The following HGF variants were observed in gnomAD, a reference collection of about 807,000 sequenced individuals.
The protein encoded by HGF is hepatocyte growth factor, also known as fibroblast-derived tumor cytotoxic factor.
Under a neutral mutation model 111.6 loss-of-function variants are expected in HGF, and 39 were observed. The ratio of observed to expected loss-of-function variants is 0.35; its 90% CI spans 0.27 to 0.46. HGF has a LOEUF of 0.46. Among genes scored for constraint, HGF ranks in the 20% least tolerant of loss-of-function variants. The probability of loss-of-function intolerance (pLI) is 1.00; values close to 1 mark genes in which losing one functional copy is unlikely to be tolerated. For synonymous variants in HGF, 285 were observed against 294.8 expected, an observed-to-expected ratio of 0.97 and a Z score of 0.34; for missense variants, 735 against 910.5, an observed-to-expected ratio of 0.81 and a Z score of 2.48.
chr7:81,701,157 T>C lies in HGF; in HGVS notation c.*1424A>G, dbSNP rs567925018. 5.9e-5 allele frequency: 9 copies of C among 151,638 alleles called. No individual in the cohort carries two copies. The highest frequency in any genetic ancestry group is 3.3e-4 in the Admixed American group (5 of 15,156). The allele number at this position is 151,638 out of a possible 1,614,324, so 9.4% of individuals were successfully genotyped here. On this transcript the variant is annotated 3_prime_UTR_variant, in exon 18 of 18. Coordinates refer to ENST00000222390, the MANE Select transcript of HGF (RefSeq NM_000601.6). ...GATAAATATGATAATTTGGCTGTTA[T>C]ACAGAACACAAAATTTAAATGTCTG...
At chr7:81,721,665 G>A (rs1160309820) in intron 9 of HGF, among the ~76,000 whole-genome samples, 1 of 152,164 alleles carries the variant, frequency 6.6e-6, no homozygotes, top group South Asian at 2.1e-4. Context: ...ATAAAACCAA[G>A]TTAAAGATAT....
chr7:81,708,591 G>A (rs1047593462), intron 13 of HGF, among the ~76,000 whole-genome samples: 6 of 119,204 alleles, frequency 5.0e-5, no homozygotes, highest in African/African-American at 1.6e-4. Context: ...TTACAGGCAT[G>A]TGCCACCATG....
chr7:81,711,495 A>G lies in HGF; in HGVS notation c.1430T>C (p.Ile477Thr). ...ATATTACTTACGGTCTAAATTGACTATTGTAGGTGTGGTATCACCTTCACC... is the reference window on the plus strand; with the variant it reads ...ATATTACTTACGGTCTAAATTGACTGTTGTAGGTGTGGTATCACCTTCACC... The part of the protein sequence containing the change: ...SRCEGDTTPT[I>T]VNLDHPVISC... Residue 477 changes from isoleucine to threonine, a missense_variant, in exon 12 of 18, where the codon ATA becomes ACA. Ile to Thr is a moderately conservative substitution (Grantham distance 89). Coordinates refer to ENST00000222390, the MANE Select transcript of HGF (RefSeq NM_000601.6). The G allele has an allele frequency of 6.8e-7, 1 of 1,460,438 alleles. No homozygotes were observed. 90.5% of individuals were successfully genotyped at this position (1,460,438 alleles called of 1,614,324 possible).
chr7:81,762,100 G>A (rs1789115375), intron 2 of HGF, among the ~76,000 whole-genome samples: 1 of 152,056 alleles, frequency 6.6e-6, no homozygotes, highest in African/African-American at 2.4e-5. Flanking sequence ...TTCCCTATGA[G>A]GTCACACAGG....
chr7:81,715,333 A>G (rs1789680571), intron 11 of HGF, among the ~76,000 whole-genome samples: 1 of 152,078 alleles, frequency 6.6e-6, no homozygotes, highest in Non-Finnish European at 1.5e-5. Context: ...CTGTACTTAG[A>G]AAAATAATAA....
At chr7:81,733,871 A>T (rs1318290880) in intron 7 of HGF, among the ~76,000 whole-genome samples, 1 of 152,140 alleles carries the variant, frequency 6.6e-6, no homozygotes, top group African/African-American at 2.4e-5. Context: ...TTATTCCTCG[A>T]TGGCAGTAAA....
chr7:81,758,636 C>T (rs538520980), intron 3 of HGF, 56 bp downstream of exon 3: 13 of 1,076,840 alleles, frequency 1.2e-5, no homozygotes, highest in Non-Finnish European at 1.7e-5. Flanking sequence ...AAATTACAAA[C>T]ATACATTTCA....
At chr7:81,745,483 A>G (rs1198967002) in intron 5 of HGF, among the ~76,000 whole-genome samples, 3 of 152,196 alleles carry the variant, frequency 2.0e-5, no homozygotes, top group Admixed American at 1.3e-4. Flanking sequence ...CTCAGTATCT[A>G]TTTGTCAGCA....
intron 5 of HGF, chr7:81,750,859 T>G (rs770811039): frequency 1.6e-6 from 1 of 628,642 alleles, no homozygotes; most frequent in Non-Finnish European, 2.0e-6. Context: ...AAATATTAAT[T>G]CGTTCAGACT....
chr7:81,756,914 C>T (rs991805183), intron 4 of HGF: 1 of 501,734 alleles, frequency 2.0e-6, no homozygotes, highest in African/African-American at 2.0e-5. Flanking sequence ...GAAGAAGAAT[C>T]CTTTTAAACG....
chr7:81,706,435 G>A lies in HGF; in HGVS notation c.1617-8C>T. On this transcript the variant is annotated splice_region_variant and splice_polypyrimidine_tract_variant and intron_variant, in intron 14 of 17. Coordinates refer to ENST00000222390, the MANE Select transcript of HGF (RefSeq NM_000601.6). Reference sequence around the variant, plus strand: ...TCATAATCTTTCAAGTCTCTGTTTTGAAGGAAAAAAATTTAAATGTAAAAC... The same window carrying A: ...TCATAATCTTTCAAGTCTCTGTTTTAAAGGAAAAAAATTTAAATGTAAAAC... 2 of 1,606,802 alleles carry A rather than the reference G, an allele frequency of 1.2e-6. No homozygotes were observed. Among genetic ancestry groups the A allele is most frequent in the Non-Finnish European group, 1.7e-6 (2 of 1,174,002 alleles).
chr7:81,731,381 T>G (rs1787650743), intron 7 of HGF, among the ~76,000 whole-genome samples: 1 of 152,178 alleles, frequency 6.6e-6, no homozygotes, highest in African/African-American at 2.4e-5. Flanking sequence ...ATGAAAAATG[T>G]TCAGTAATTG....
chr7:81,705,107 A>C (rs867883976), intron 17 of HGF, among the ~76,000 whole-genome samples: 1 of 151,994 alleles, frequency 6.6e-6, no homozygotes. Context: ...ACTGATTTGG[A>C]TACTTCTCAT....
intron 8 of HGF, among the ~76,000 whole-genome samples, chr7:81,727,473 T>C (rs928688953): frequency 3.9e-5 from 6 of 152,124 alleles, no homozygotes; most frequent in Non-Finnish European, 8.8e-5. Context: ...CCACCAATAA[T>C]TAAAGCCACT....
At chr7:81,710,049 G>T in intron 13 of HGF, 98 bp downstream of exon 13, 1 of 840,912 alleles carries the variant, frequency 1.2e-6, no homozygotes, top group East Asian at 2.5e-5. Context: ...GCCCTGTGGA[G>T]GGTACAACCT....
chr7:81,712,573 A>G (rs972335909), intron 11 of HGF, among the ~76,000 whole-genome samples: 2 of 152,222 alleles, frequency 1.3e-5, no homozygotes, highest in African/African-American at 2.4e-5. Flanking sequence ...ATTGCCACAA[A>G]TAAGAGAAAG....
Position 81,770,023 on chromosome 7 carries a change from A to C in HGF, c.-52T>G. ...CCTCTGGAGGAGATGCCTGGGTGAAAGAATCCTGTTCGGAGTCAGTGCCTA... is the reference window on the plus strand; with the variant it reads ...CCTCTGGAGGAGATGCCTGGGTGAACGAATCCTGTTCGGAGTCAGTGCCTA... On this transcript the variant is annotated 5_prime_UTR_variant, in exon 1 of 18. Transcript: ENST00000222390. 1 of 1,365,190 alleles carries C rather than the reference A, an allele frequency of 7.3e-7. No homozygotes were observed. The highest frequency in any genetic ancestry group is 1.0e-6 in the Non-Finnish European group (1 of 981,210). The allele number at this position is 1,365,190 out of a possible 1,614,324, so 84.6% of individuals were successfully genotyped here. A position where few individuals can be genotyped will look rare whatever the true frequency, so the allele number is the denominator to read the frequency against.
chr7:81,770,031 G>A lies in HGF; in HGVS notation c.-60C>T, dbSNP rs1584030584. ...GGAGATGCCTGGGTGAAAGAATCCT[G>A]TTCGGAGTCAGTGCCTAAAAGAGCC... On this transcript the variant is annotated 5_prime_UTR_variant, in exon 1 of 18. Coordinates refer to ENST00000222390, the MANE Select transcript of HGF (RefSeq NM_000601.6). The A allele has an allele frequency of 7.7e-7, 1 of 1,295,392 alleles. No individual in the cohort carries two copies. The highest frequency in any genetic ancestry group is 2.5e-5 in the East Asian group (1 of 39,676). The allele number at this position is 1,295,392 out of a possible 1,614,324, so 80.2% of individuals were successfully genotyped here. A position where few individuals can be genotyped will look rare whatever the true frequency, so the allele number is the denominator to read the frequency against.
At chr7:81,743,624 C>A (rs1160056170) in intron 6 of HGF, among the ~76,000 whole-genome samples, 153 bp from the exon 7 acceptor site, 1 of 152,148 alleles carries the variant, frequency 6.6e-6, no homozygotes, top group Non-Finnish European at 1.5e-5. Context: ...CTGCTGATCA[C>A]TGACTATTGA....
Sources: allele counts gnomAD v4.1 joint callset (sites outside exome capture counted in the v4.1 genomes callset), GRCh38; gene constraint gnomAD v4.1.1; transcripts MANE v1.5; gene names NCBI Gene and HGNC (gene_info 2026-07-23, HGNC 2026-07-21).